Variants in PPFIA2 observed in about 807,000 individuals in gnomAD.
PPFIA2 encodes liprin-alpha-2.
A neutral mutation model predicts 175.5 loss-of-function variants in PPFIA2; 46 were observed. The ratio of observed to expected loss-of-function variants is 0.26; its 90% CI spans 0.21 to 0.34. The LOEUF is 0.34. Ranked by LOEUF, PPFIA2 falls within the 10% of genes least tolerant of loss-of-function variation. The pLI is 1.00. For missense variants in PPFIA2, 1,179 were observed against 1,506.1 expected, an observed-to-expected ratio of 0.78 and a Z score of 3.60; for synonymous variants, 568 against 511.4, an observed-to-expected ratio of 1.11 and a Z score of -1.49.
At chr12:81,419,739 T>C (rs953434353) in intron 7 of PPFIA2, among the ~76,000 whole-genome samples, 1 of 152,152 alleles carries the variant, frequency 6.6e-6, no homozygotes, top group Non-Finnish European at 1.5e-5. Flanking sequence ...AAAGAGTATA[T>C]ACATGACTTC....
chr12:81,623,635 T>G (rs1379212681), intron 4 of PPFIA2, among the ~76,000 whole-genome samples: 1 of 152,032 alleles, frequency 6.6e-6, no homozygotes, highest in Non-Finnish European at 1.5e-5. Context: ...TGTATCCTTA[T>G]AGTTGTGTGG....
chr12:81,718,935 T>G (rs2078990849), intron 3 of PPFIA2, among the ~76,000 whole-genome samples: 1 of 151,618 alleles, frequency 6.6e-6, no homozygotes, highest in African/African-American at 2.4e-5. Context: ...GTGAGCTGTA[T>G]TTTCTTTACA....
chr12:81,348,992 T>A (rs916308123), intron 17 of PPFIA2, among the ~76,000 whole-genome samples: 1 of 152,174 alleles, frequency 6.6e-6, no homozygotes, highest in Non-Finnish European at 1.5e-5. Context: ...AGTTTTCTTT[T>A]TACATATTTA....
intron 4 of PPFIA2, among the ~76,000 whole-genome samples, chr12:81,599,538 A>G (rs1356091418): frequency 6.6e-6 from 1 of 152,024 alleles, no homozygotes; most frequent in Non-Finnish European, 1.5e-5. Flanking sequence ...GAAAATCTGC[A>G]AAGAAAGTAC....
chr12:81,449,495 A>T (rs1490166809), intron 5 of PPFIA2, among the ~76,000 whole-genome samples: 1 of 151,908 alleles, frequency 6.6e-6, no homozygotes, highest in Non-Finnish European at 1.5e-5. Context: ...AGACAAAAAA[A>T]AAAAAACAAA....
At chr12:81,718,409 T>C (rs556378927) in intron 3 of PPFIA2, among the ~76,000 whole-genome samples, 1 of 151,596 alleles carries the variant, frequency 6.6e-6, no homozygotes, top group East Asian at 2.0e-4. Context: ...GCTGAAGTGT[T>C]AAGGATGAGT....
At chr12:81,516,242 AGAG>A (rs1464755387) in intron 4 of PPFIA2, among the ~76,000 whole-genome samples, 1 of 152,244 alleles carries the variant, frequency 6.6e-6, no homozygotes, top group Admixed American at 6.5e-5. Context: ...CTTATTTGTA[AGAG>A]GAGGATAATT....
chr12:81,399,080 G>T (rs1457657599), intron 8 of PPFIA2, among the ~76,000 whole-genome samples: 4 of 151,798 alleles, frequency 2.6e-5, no homozygotes, highest in African/African-American at 9.7e-5. Flanking sequence ...AGGAACTTCT[G>T]AATGAAAAAC....
chr12:81,618,859 C>A (rs1315440160), intron 4 of PPFIA2, among the ~76,000 whole-genome samples: 1 of 152,052 alleles, frequency 6.6e-6, no homozygotes, highest in Non-Finnish European at 1.5e-5. Context: ...TTCATTAATT[C>A]AACAATTATT....
intron 28 of PPFIA2, 45 bp from the exon 29 acceptor site, chr12:81,268,132 C>CTTTTTTTT (rs746893824): frequency 7.8e-6 from 5 of 638,068 alleles, no homozygotes; most frequent in African/African-American, 5.4e-5. Context: ...ATTTTTCTTT[C>CTTTTTTTT]TTTTTTTTTT....
intron 3 of PPFIA2, among the ~76,000 whole-genome samples, chr12:81,745,648 A>T (rs2082940481): frequency 6.6e-6 from 1 of 152,136 alleles, no homozygotes; most frequent in Non-Finnish European, 1.5e-5. Context: ...GGCTTAAGAT[A>T]ACCCTAAGCA....
intron 17 of PPFIA2, among the ~76,000 whole-genome samples, chr12:81,352,531 C>A (rs2060200453): frequency 6.6e-6 from 1 of 151,812 alleles, no homozygotes; most frequent in South Asian, 2.1e-4. Context: ...AAAAACTGAA[C>A]CCTGCTGATA....
At chr12:81,605,697 T>TA (rs2060236816) in intron 4 of PPFIA2, among the ~76,000 whole-genome samples, 1 of 145,214 alleles carries the variant, frequency 6.9e-6, no homozygotes, top group South Asian at 2.3e-4. Flanking sequence ...CTATCTAATC[T>TA]GTCTATAATT....
rs1241358401 is a variant in PPFIA2, at chr12:81,266,100, T to C, written c.3555+852A>G. ...TTTATAATACCAAGATTATCTGTCCTGCCTATTTGAATATAGAATGATTGG... is the reference window on the plus strand; with the variant it reads ...TTTATAATACCAAGATTATCTGTCCCGCCTATTTGAATATAGAATGATTGG... On this transcript the variant is annotated intron_variant, in intron 30 of 32. Coordinates refer to ENST00000549396, the MANE Select transcript of PPFIA2 (RefSeq NM_003625.5). Among the ~76,000 whole-genome samples, 6 of 152,338 alleles carry C rather than the reference T, an allele frequency of 3.9e-5. No homozygotes were observed. In the East Asian group the frequency reaches 9.6e-4, roughly 24 times the overall value.
At chr12:81,614,778 G>T (rs2061283690) in intron 4 of PPFIA2, among the ~76,000 whole-genome samples, 1 of 151,966 alleles carries the variant, frequency 6.6e-6, no homozygotes, top group African/African-American at 2.4e-5. Flanking sequence ...CAAATATGAG[G>T]TTGCCCTTTA....
At chr12:81,589,322 C>T (rs1239917012) in intron 4 of PPFIA2, among the ~76,000 whole-genome samples, 1 of 152,022 alleles carries the variant, frequency 6.6e-6, no homozygotes, top group African/African-American at 2.4e-5. Flanking sequence ...ATATACAGAA[C>T]ATTCTTAAAA....
At chr12:81,413,404 G>C (rs1024627749) in intron 7 of PPFIA2, among the ~76,000 whole-genome samples, 4 of 151,720 alleles carry the variant, frequency 2.6e-5, no homozygotes, top group Non-Finnish European at 4.4e-5. Flanking sequence ...CATATTATAG[G>C]CTTCAAGGTT....
intron 4 of PPFIA2, among the ~76,000 whole-genome samples, chr12:81,576,420 A>G (rs180991201): frequency 2.0e-5 from 3 of 151,834 alleles, no homozygotes; most frequent in African/African-American, 4.8e-5. Context: ...CTTTCAGTCA[A>G]TGCCATTTTG....
At chr12:81,486,213 T>C (rs2058799067) in intron 4 of PPFIA2, among the ~76,000 whole-genome samples, 1 of 151,820 alleles carries the variant, frequency 6.6e-6, no homozygotes, top group African/African-American at 2.4e-5. Context: ...GATCCCATTT[T>C]ACATGTAGGG....
Sources: gnomAD v4.1 joint callset for allele counts (sites outside exome capture counted in the v4.1 genomes callset) on GRCh38, gnomAD v4.1.1 for gene constraint, MANE v1.5 for transcripts, NCBI Gene and HGNC (gene_info 2026-07-23, HGNC 2026-07-21) for gene names.